Variants in MINDY2 observed in about 807,000 individuals in gnomAD.
MINDY2 encodes MINDY lysine 48 deubiquitinase 2.
In MINDY2, 52 loss-of-function variants were observed where a neutral mutation model predicts 68.2. That is an observed-to-expected ratio of 0.76 (90% CI 0.61 to 0.96). The LOEUF is 0.96. MINDY2 is among the 40% of genes least tolerant of loss of function. The pLI is 0.00. For synonymous variants in MINDY2, 372 were observed against 303.0 expected (o/e 1.23, Z -2.36); for missense variants, 881 against 773.4 (o/e 1.14, Z -1.65).
intron 1 of MINDY2, among the ~76,000 whole-genome samples, chr15:58,786,219 T>A (rs1223023732): frequency 6.6e-6 from 1 of 152,218 alleles, no homozygotes; most frequent in Non-Finnish European, 1.5e-5. Context: ...CGTAAACACC[T>A]AGAGGACCTT....
intron 6 of MINDY2, among the ~76,000 whole-genome samples, chr15:58,846,433 A>G (rs1445532886): frequency 6.6e-6 from 1 of 152,054 alleles, no homozygotes; most frequent in Non-Finnish European, 1.5e-5. Context: ...CTCTACTAAA[A>G]ATACAAAAAA....
At chr15:58,776,266 G>C (rs947126448) in intron 1 of MINDY2, among the ~76,000 whole-genome samples, 1 of 152,158 alleles carries the variant, frequency 6.6e-6, no homozygotes, top group Non-Finnish European at 1.5e-5. Flanking sequence ...ATATGTGAGA[G>C]TGACAAATTG....
chr15:58,833,874 C>T (rs1318230148), intron 6 of MINDY2, among the ~76,000 whole-genome samples: 1 of 151,954 alleles, frequency 6.6e-6, no homozygotes, highest in Non-Finnish European at 1.5e-5. Flanking sequence ...CAGCACAGAC[C>T]CTTTATGGGT....
intron 5 of MINDY2, among the ~76,000 whole-genome samples, chr15:58,822,875 T>C (rs2031149787): frequency 6.6e-6 from 1 of 152,188 alleles, no homozygotes; most frequent in Non-Finnish European, 1.5e-5. Context: ...GCATGAGTTT[T>C]AGTCTCTCTC....
intron 1 of MINDY2, 32 bp from the exon 2 acceptor site, chr15:58,787,874 T>G (rs1901615185): frequency 6.7e-7 from 1 of 1,495,768 alleles, no homozygotes; most frequent in South Asian, 1.2e-5. Context: ...CTAAAACATT[T>G]AATTTTATAG....
intron 5 of MINDY2, among the ~76,000 whole-genome samples, chr15:58,830,361 C>T (rs2031646569): frequency 6.6e-6 from 1 of 152,136 alleles, no homozygotes; most frequent in African/African-American, 2.4e-5. Context: ...GCCAACAGCA[C>T]TACAGATAGA....
intron 4 of MINDY2, among the ~76,000 whole-genome samples, chr15:58,811,805 G>T (rs1165739862): frequency 6.6e-6 from 1 of 152,188 alleles, no homozygotes; most frequent in African/African-American, 2.4e-5. Context: ...GAAATGGAGA[G>T]TCAATTGGAA....
chr15:58,772,200 C>T lies in MINDY2; in HGVS notation c.805C>T (p.Leu269=). The change falls in exon 1 of 9, where the codon CTG becomes TTG. Residue 269 remains leucine, a synonymous_variant. Coordinates refer to ENST00000559228, the MANE Select transcript of MINDY2 (RefSeq NM_001040450.3). ...GAATGAGAACGGACCCTGCCCCTTG[C>T]TGGCCATCCTCAATGTTTTGCTCCT... is the stretch of plus-strand genomic sequence containing the variant. ...TQNENGPCPL[L]AILNVLLLAW... is the part of the protein sequence containing the mutation. 6.2e-7 allele frequency: 1 copy of T among 1,613,116 alleles called. No homozygotes were observed.
chr15:58,778,578 T>TA (rs1900922877), intron 1 of MINDY2, among the ~76,000 whole-genome samples: 1 of 151,144 alleles, frequency 6.6e-6, no homozygotes, highest in African/African-American at 2.4e-5. Flanking sequence ...CAAAACACAC[T>TA]AAAAACTAAG....
chr15:58,791,215 T>TATATATATATATATATA (rs1901872070), intron 2 of MINDY2, among the ~76,000 whole-genome samples: 2 of 79,586 alleles, frequency 2.5e-5, no homozygotes, highest in African/African-American at 7.1e-5. Flanking sequence ...GAAAGCAATT[T>TATATATATATATATATA]TATATATATA....
intron 6 of MINDY2, among the ~76,000 whole-genome samples, chr15:58,845,459 C>T (rs1297224170): frequency 2.0e-5 from 3 of 152,104 alleles, no homozygotes; most frequent in Non-Finnish European, 4.4e-5. Context: ...TGCTGAACAT[C>T]ACTGGTCATC....
rs2032988760 is a variant in MINDY2 at position 58,854,514 on chromosome 15, T to A, written c.1770T>A (p.Ser590Arg). Residue 590 changes from serine to arginine, a missense_variant, in exon 9 of 9, where the codon AGT becomes AGA. Physicochemically the swap from Ser to Arg is moderately radical, Grantham distance 110. Transcript: ENST00000559228. ...QGQPAQASPS[S>R]GRQSGNSERK... ...AGCCAGCACAAGCCTCTCCATCAAG[T>A]GGAAGACAATCTGGGAATAGTGAAC... The A allele has an allele frequency of 6.2e-7, 1 of 1,613,560 alleles. No individual in the cohort carries two copies. The highest frequency in any genetic ancestry group is 1.3e-5 in the African/African-American group (1 of 74,824).
chr15:58,791,215 T>TTATATATATATATATATATA (rs57998049), intron 2 of MINDY2, among the ~76,000 whole-genome samples: 173 of 79,466 alleles, frequency 2.2e-3, no homozygotes, highest in Non-Finnish European at 3.1e-3. Flanking sequence ...GAAAGCAATT[T>TTATATATATATATATATATA]TATATATATA....
intron 2 of MINDY2, among the ~76,000 whole-genome samples, chr15:58,799,602 C>G (rs1021145341): frequency 3.4e-5 from 5 of 148,828 alleles, no homozygotes; most frequent in African/African-American, 7.4e-5. Context: ...AAAGCAAACA[C>G]TAGTAGAGGG....
chr15:58,833,595 A>C lies in MINDY2; in HGVS notation c.1368+1679A>C, dbSNP rs374080449. On this transcript the variant is annotated intron_variant, in intron 6 of 8. Transcript: ENST00000559228. Reference sequence around the variant, plus strand: ...AGGTCAGAAGGTAAACACGTGAACAAATGTCTCTGCATCATAAACAAGGTA... The same window carrying C: ...AGGTCAGAAGGTAAACACGTGAACACATGTCTCTGCATCATAAACAAGGTA... Among the ~76,000 whole-genome samples the C allele has an allele frequency of 9.2e-5, 14 of 152,284 alleles. No homozygotes were observed. In the East Asian group the frequency reaches 1.9e-3, roughly 21 times the overall value.
rs1294936467 is a variant in MINDY2 at position 58,857,022 on chromosome 15, G to A, written c.*2412G>A. On this transcript the variant is annotated 3_prime_UTR_variant, in exon 9 of 9. Transcript: ENST00000559228. ...CAGTGCTGCTATCAGATAAGTAGATGTCAATGTATACTTACAAGGAAAAAC... is the reference window on the plus strand; with the variant it reads ...CAGTGCTGCTATCAGATAAGTAGATATCAATGTATACTTACAAGGAAAAAC... 7 of 152,152 alleles carry A rather than the reference G, an allele frequency of 4.6e-5. No homozygotes were observed. Among genetic ancestry groups the A allele is most frequent in the African/African-American group, 1.7e-4 (7 of 41,438 alleles). The allele number at this position is 152,152 out of a possible 1,614,324, so 9.4% of individuals were successfully genotyped here. A position where few individuals can be genotyped will look rare whatever the true frequency, so the allele number is the denominator to read the frequency against.
chr15:58,852,736 A>T (rs1163730108), intron 8 of MINDY2, among the ~76,000 whole-genome samples: 1 of 151,996 alleles, frequency 6.6e-6, no homozygotes, highest in Non-Finnish European at 1.5e-5. Flanking sequence ...ATTAGCACTT[A>T]CCCCAATTTT....
intron 2 of MINDY2, among the ~76,000 whole-genome samples, chr15:58,788,886 C>T (rs144740074): frequency 1.1e-4 from 16 of 152,086 alleles, no homozygotes; most frequent in Admixed American, 9.8e-4. Context: ...GTGTCATGCA[C>T]CTATAGTCCC....
At chr15:58,776,922 G>T (rs1430202364) in intron 1 of MINDY2, among the ~76,000 whole-genome samples, 1 of 152,154 alleles carries the variant, frequency 6.6e-6, no homozygotes, top group African/African-American at 2.4e-5. Context: ...ATATTTTTCA[G>T]TTTGGCAAAG....
Sources: allele counts gnomAD v4.1 joint callset (sites outside exome capture counted in the v4.1 genomes callset), GRCh38; gene constraint gnomAD v4.1.1; transcripts MANE v1.5; gene names NCBI Gene and HGNC (gene_info 2026-07-23, HGNC 2026-07-21).